Variants in HSD17B12 observed in about 807,000 individuals in gnomAD.
HSD17B12 encodes the protein very-long-chain 3-oxoacyl-CoA reductase.
HSD17B12 carries 32 observed loss-of-function variants against 39.3 expected under a neutral mutation model. The observed-to-expected ratio is 0.81, with a 90% confidence interval of 0.61 to 1.09. HSD17B12 has a LOEUF of 1.09. Among genes scored for constraint, HSD17B12 ranks in the 50% least tolerant of loss-of-function variants. The pLI is 0.00. For missense variants in HSD17B12, 342 were observed against 382.9 expected, an observed-to-expected ratio of 0.89 and a Z score of 0.89; for synonymous variants, 150 against 146.7, an observed-to-expected ratio of 1.02 and a Z score of -0.16.
intron 3 of HSD17B12, among the ~76,000 whole-genome samples, chr11:43,769,081 A>C (rs1950625594): frequency 6.6e-6 from 1 of 152,216 alleles, no homozygotes. Flanking sequence ...CTAGGATTAC[A>C]GGGGCCTGCC....
At chr11:43,849,217 A>T (rs1031337262) in intron 9 of HSD17B12, among the ~76,000 whole-genome samples, 6 of 152,150 alleles carry the variant, frequency 3.9e-5, no homozygotes, top group African/African-American at 1.2e-4. Context: ...AGGTGGGAGG[A>T]TGGCTTGAGC....
chr11:43,829,362 G>T (rs1482691181), intron 6 of HSD17B12, among the ~76,000 whole-genome samples: 1 of 152,168 alleles, frequency 6.6e-6, no homozygotes, highest in Non-Finnish European at 1.5e-5. Flanking sequence ...AAGGCCTCTT[G>T]ATGAAGGAAA....
the HSD17B12 span, among the ~76,000 whole-genome samples, chr11:43,578,472 G>A: frequency 6.6e-6 from 1 of 152,164 alleles, no homozygotes; most frequent in Non-Finnish European, 1.5e-5. Context: ...ATAGTAACAA[G>A]GGCTTTTACC....
At chr11:43,789,250 C>A (rs1216212083) in intron 3 of HSD17B12, among the ~76,000 whole-genome samples, 2 of 152,196 alleles carry the variant, frequency 1.3e-5, no homozygotes, top group Non-Finnish European at 2.9e-5. Context: ...TTACACATAT[C>A]TCCTTCATCA....
chr11:43,823,710 A>T (rs1446158300), intron 6 of HSD17B12, among the ~76,000 whole-genome samples: 1 of 149,672 alleles, frequency 6.7e-6, no homozygotes, highest in Non-Finnish European at 1.5e-5. Context: ...TGCACAACAC[A>T]TTTTTTTTTT....
At chr11:43,781,811 T>G (rs544008821) in intron 3 of HSD17B12, among the ~76,000 whole-genome samples, 1 of 152,348 alleles carries the variant, frequency 6.6e-6, no homozygotes, top group South Asian at 2.1e-4. Flanking sequence ...CAAATTTGTG[T>G]TCTGTTAGTC....
At chr11:43,593,615 T>C in the HSD17B12 span, among the ~76,000 whole-genome samples, 1 of 152,166 alleles carries the variant, frequency 6.6e-6, no homozygotes, top group East Asian at 1.9e-4. Context: ...AAGAACTGAC[T>C]TTATCTTCGT....
the HSD17B12 span, among the ~76,000 whole-genome samples, chr11:43,636,734 A>G: frequency 2.6e-5 from 4 of 152,132 alleles, no homozygotes; most frequent in Admixed American, 1.3e-4. Flanking sequence ...AATTTTTTTA[A>G]TCTTCACAAC....
At chr11:43,737,738 A>G (rs530245911) in intron 1 of HSD17B12, among the ~76,000 whole-genome samples, 2 of 152,262 alleles carry the variant, frequency 1.3e-5, no homozygotes, top group South Asian at 4.1e-4. Context: ...GAATCTGAGG[A>G]CACCAGTGTT....
the HSD17B12 span, among the ~76,000 whole-genome samples, chr11:43,649,747 A>G: frequency 1.5e-4 from 23 of 152,288 alleles, no homozygotes; most frequent in African/African-American, 5.5e-4. Context: ...TTTGACCAAG[A>G]CTATGTGGTA....
At chr11:43,634,289 G>T in the HSD17B12 span, among the ~76,000 whole-genome samples, 1 of 151,888 alleles carries the variant, frequency 6.6e-6, no homozygotes, top group Admixed American at 6.6e-5. Flanking sequence ...GGCTGAGCAT[G>T]ACTTAAAATT....
At chr11:43,635,953 G>C in the HSD17B12 span, among the ~76,000 whole-genome samples, 2 of 152,108 alleles carry the variant, frequency 1.3e-5, no homozygotes, top group African/African-American at 2.4e-5. Flanking sequence ...CCTCAAATAG[G>C]GAAGGGCTTG....
At position 43,737,621 on chromosome 11, in the gene HSD17B12, T is replaced by A. The variant is rs543942290; in HGVS notation, c.161-13290T>A. Among the ~76,000 whole-genome samples, 26 of 152,330 alleles carry A rather than the reference T, an allele frequency of 1.7e-4. No homozygotes were observed. The South Asian group carries it at 5.0e-3, about 29-fold the overall frequency. ...TACCTTATAGTGCCACCCATGACCA[T>A]CATCTGTACTGTCCCAACCCACAGG... On this transcript the variant is annotated intron_variant, in intron 1 of 10. Coordinates refer to ENST00000278353, the MANE Select transcript of HSD17B12 (RefSeq NM_016142.3).
Position 43,777,010 on chromosome 11 carries a change from G to A in HSD17B12, c.284-21310G>A, listed in dbSNP as rs11037626. Reference sequence around the variant, plus strand: ...ACCATGCTGTTTTGATTACTGTAGCGTTGTAGTATAGTTTGAAGTCAGGTA... The same window carrying A: ...ACCATGCTGTTTTGATTACTGTAGCATTGTAGTATAGTTTGAAGTCAGGTA... On this transcript the variant is annotated intron_variant, in intron 3 of 10. Transcript: ENST00000278353. Among the ~76,000 whole-genome samples, 275 of 152,184 alleles carry A rather than the reference G, an allele frequency of 1.8e-3. 1 individual carries two copies. Among genetic ancestry groups the A allele is most frequent in the Non-Finnish European group, 1.2e-3 (83 of 67,996 alleles).
the HSD17B12 span, among the ~76,000 whole-genome samples, chr11:43,575,000 C>G: frequency 2.6e-5 from 4 of 152,312 alleles, no homozygotes; most frequent in Non-Finnish European, 4.4e-5. Flanking sequence ...GCCGGACACT[C>G]CCCTCTGGGC....
At chr11:43,670,901 A>G in the HSD17B12 span, among the ~76,000 whole-genome samples, 3 of 152,170 alleles carry the variant, frequency 2.0e-5, no homozygotes, top group African/African-American at 2.4e-5. Flanking sequence ...AATTTTTAAA[A>G]AAGATTATAA....
At chr11:43,731,563 A>T (rs1792717736) in intron 1 of HSD17B12, among the ~76,000 whole-genome samples, 1 of 152,192 alleles carries the variant, frequency 6.6e-6, no homozygotes, top group African/African-American at 2.4e-5. Context: ...GTTTAATGTA[A>T]TCATGTTGAC....
chr11:43,700,917 C>T lies in HSD17B12; in HGVS notation c.160+19930C>T, dbSNP rs1048448844. Among the ~76,000 whole-genome samples, 5 of 152,154 alleles carry T rather than the reference C, an allele frequency of 3.3e-5. No homozygotes were observed. The South Asian group carries it at 1.0e-3, about 31-fold the overall frequency. On this transcript the variant is annotated intron_variant, in intron 1 of 10. Coordinates refer to ENST00000278353, the MANE Select transcript of HSD17B12 (RefSeq NM_016142.3). Reference sequence around the variant, plus strand: ...TTTTCTGAGAAAGCTCCAAACTGTTCTCCATAGTGGTTGTACTAATTTACA... The same window carrying T: ...TTTTCTGAGAAAGCTCCAAACTGTTTTCCATAGTGGTTGTACTAATTTACA...
At position 43,824,046 on chromosome 11, in the gene HSD17B12, G is replaced by A. The variant is rs1438383188; in HGVS notation, c.502-6930G>A. Among the ~76,000 whole-genome samples, 8 of 142,816 alleles carry A rather than the reference G, an allele frequency of 5.6e-5. No homozygotes were observed. The East Asian group carries it at 5.8e-4, about 10-fold the overall frequency. The allele number at this position is 142,816 out of a possible 152,430, so 93.7% of individuals were successfully genotyped here. ...TTTCAAAGTTAGGAAATTTTACACC[G>A]AGATTTCTAACTTCTCTTGGGAAAA... On this transcript the variant is annotated intron_variant, in intron 6 of 10. Coordinates refer to ENST00000278353, the MANE Select transcript of HSD17B12 (RefSeq NM_016142.3).
Sources: allele counts gnomAD v4.1 joint callset (sites outside exome capture counted in the v4.1 genomes callset), GRCh38; gene constraint gnomAD v4.1.1; transcripts MANE v1.5; gene names NCBI Gene and HGNC (gene_info 2026-07-23, HGNC 2026-07-21).